The following TBCK variants were observed in gnomAD, a reference collection of about 807,000 sequenced individuals.
TBCK encodes TBC domain-containing protein kinase-like protein.
A neutral mutation model predicts 113.4 loss-of-function variants in TBCK; 99 were observed. The observed-to-expected ratio is 0.87, with a 90% CI of 0.74 to 1.03. TBCK has a LOEUF of 1.03. Among genes scored for constraint, TBCK ranks in the 50% least tolerant of loss-of-function variants. The pLI is 0.00. For synonymous variants in TBCK, 369 were observed against 370.8 expected (o/e 1.00, Z 0.05); for missense variants, 1,045 against 1,061.3 (o/e 0.98, Z 0.21).
At chr4:106,235,499 T>C in intron 14 of TBCK, 132 bp from the exon 15 acceptor site, 2 of 507,622 alleles carry the variant, frequency 3.9e-6, no homozygotes, top group Non-Finnish European at 6.7e-6. Flanking sequence ...GCAATTATTG[T>C]GTCTGGTGTT....
intron 23 of TBCK, among the ~76,000 whole-genome samples, chr4:106,168,533 G>C (rs1004110872): frequency 2.6e-4 from 39 of 151,800 alleles, no homozygotes; most frequent in African/African-American, 8.7e-4. Flanking sequence ...GTACTAATTG[G>C]CAAGGAAGAA....
intron 19 of TBCK, among the ~76,000 whole-genome samples, chr4:106,229,692 T>C (rs1758642610): frequency 6.6e-6 from 1 of 152,044 alleles, no homozygotes; most frequent in Non-Finnish European, 1.5e-5. Flanking sequence ...TCCAGTTTTG[T>C]TCTTTTTGCT....
At chr4:106,262,257 A>T (rs1259851718) in intron 3 of TBCK, 45 bp from the exon 4 acceptor site, 1 of 1,139,260 alleles carries the variant, frequency 8.8e-7, no homozygotes, top group Non-Finnish European at 1.3e-6. Flanking sequence ...AAAGCAAATA[A>T]ATAACTTGTT....
rs141661149 is a variant in TBCK, at chr4:106,259,764, A to C, written c.455+673T>G. 1.2e-3 allele frequency among the ~76,000 whole-genome samples: 180 copies of C among 152,036 alleles called. 1 individual carries two copies. The highest frequency in any genetic ancestry group is 4.0e-3 in the African/African-American group (168 of 41,552). The stretch of plus-strand genomic sequence containing the variant: ...TTTTATCTAAAACAATCTCAACTTA[A>C]TCTTCAGAAAAGAAAATAATAATGA... On this transcript the variant is annotated intron_variant, in intron 5 of 25. Coordinates refer to ENST00000394708, the MANE Select transcript of TBCK (RefSeq NM_001163435.3).
At chr4:106,223,652 A>G (rs1287768421) in intron 19 of TBCK, among the ~76,000 whole-genome samples, 1 of 152,166 alleles carries the variant, frequency 6.6e-6, no homozygotes, top group African/African-American at 2.4e-5. Flanking sequence ...TCCCAGATTT[A>G]TATGATATCT....
At position 106,081,826 on chromosome 4, in the gene TBCK, T is replaced by C. The variant is rs537709806; in HGVS notation, c.2571+13656A>G. 2.0e-5 allele frequency among the ~76,000 whole-genome samples: 3 copies of C among 152,090 alleles called. No homozygotes were observed. In the South Asian group the frequency reaches 6.2e-4, roughly 32 times the overall value. On this transcript the variant is annotated intron_variant, in intron 25 of 25. Transcript: ENST00000394708. The stretch of plus-strand genomic sequence containing the variant: ...CAAATACATCTCAAAATAAGAAATA[T>C]ATGCCACTAACAAATATATGAAAAA...
intron 1 of TBCK, among the ~76,000 whole-genome samples, chr4:106,313,378 A>C (rs1768395557): frequency 6.6e-6 from 1 of 152,210 alleles, no homozygotes; most frequent in Non-Finnish European, 1.5e-5. Flanking sequence ...GCTCAAAAAA[A>C]AGGAAAAAAA....
chr4:106,171,777 G>C (rs1163203160), intron 22 of TBCK, among the ~76,000 whole-genome samples: 1 of 152,028 alleles, frequency 6.6e-6, no homozygotes, highest in Non-Finnish European at 1.5e-5. Flanking sequence ...CATTAAATAA[G>C]ATATAAAATT....
chr4:106,249,006 A>G (rs745875525), intron 7 of TBCK, 24 bp from the exon 8 acceptor site: 2 of 1,528,314 alleles, frequency 1.3e-6, no homozygotes. Flanking sequence ...AAACTATATG[A>G]ATAAATGCTA....
chr4:106,158,128 T>C (rs930934119), intron 23 of TBCK, among the ~76,000 whole-genome samples: 3 of 152,160 alleles, frequency 2.0e-5, no homozygotes, highest in Non-Finnish European at 4.4e-5. Context: ...TGTTAGAAGT[T>C]TGAATTTTAT....
intron 23 of TBCK, among the ~76,000 whole-genome samples, chr4:106,148,660 C>G (rs748557846): frequency 2.6e-5 from 4 of 152,206 alleles, no homozygotes; most frequent in Non-Finnish European, 4.4e-5. Flanking sequence ...GTAAACCACA[C>G]TGTAAACAGG....
At chr4:106,194,778 G>C in intron 20 of TBCK, 24 bp from the exon 21 acceptor site, 1 of 1,555,140 alleles carries the variant, frequency 6.4e-7, no homozygotes, top group South Asian at 1.2e-5. Flanking sequence ...AAGGGGTACA[G>C]GGAATGGATA....
At chr4:106,174,335 C>G (rs1023731669) in intron 22 of TBCK, among the ~76,000 whole-genome samples, 1 of 152,052 alleles carries the variant, frequency 6.6e-6, no homozygotes, top group Non-Finnish European at 1.5e-5. Flanking sequence ...GTAAACTATT[C>G]AAAAACCTTC....
intron 12 of TBCK, among the ~76,000 whole-genome samples, chr4:106,238,347 C>T (rs1759703592): frequency 6.6e-6 from 1 of 151,954 alleles, no homozygotes; most frequent in African/African-American, 2.4e-5. Context: ...TACTCTCCTA[C>T]TATATAACAT....
At chr4:106,272,649 A>G (rs1763620216) in intron 3 of TBCK, among the ~76,000 whole-genome samples, 1 of 151,082 alleles carries the variant, frequency 6.6e-6, no homozygotes, top group Admixed American at 6.6e-5. Flanking sequence ...ATGCCACCAC[A>G]CCCAGCTAAT....
chr4:106,286,470 T>C (rs1165591552), intron 3 of TBCK, among the ~76,000 whole-genome samples: 3 of 152,208 alleles, frequency 2.0e-5, no homozygotes, highest in Admixed American at 6.5e-5. Flanking sequence ...GATTTAATCA[T>C]ACTGGCAAAG....
chr4:106,235,542 G>A (rs548227911), intron 14 of TBCK, among the ~76,000 whole-genome samples, 175 bp from the exon 15 acceptor site: 2 of 152,136 alleles, frequency 1.3e-5, no homozygotes, highest in African/African-American at 4.8e-5. Flanking sequence ...TAGAATGAAT[G>A]AATCCCTAAC....
chr4:106,059,651 A>G (rs180770726), intron 25 of TBCK, among the ~76,000 whole-genome samples: 1 of 151,876 alleles, frequency 6.6e-6, no homozygotes, highest in East Asian at 1.9e-4. Flanking sequence ...TATTAAAAAT[A>G]TTAAAATTAG....
intron 3 of TBCK, among the ~76,000 whole-genome samples, chr4:106,264,635 T>C (rs73838184): frequency 0.018 from 2,779 of 151,988 alleles, 80 homozygotes; most frequent in African/African-American, 0.061. Context: ...CAGAAAGAAA[T>C]AGAAACCTAG....
Sources: gnomAD v4.1 joint callset for allele counts (sites outside exome capture counted in the v4.1 genomes callset) on GRCh38, gnomAD v4.1.1 for gene constraint, MANE v1.5 for transcripts, NCBI Gene and HGNC (gene_info 2026-07-23, HGNC 2026-07-21) for gene names.